The following ASTN2 variants were observed in gnomAD, a reference collection of about 807,000 sequenced individuals.
ASTN2 encodes astrotactin 2.
A neutral mutation model predicts 139.8 loss-of-function variants in ASTN2; 54 were observed. The ratio of observed to expected loss-of-function variants is 0.39; its 90% CI spans 0.31 to 0.48. ASTN2 has a LOEUF of 0.48. Ranked by LOEUF, ASTN2 falls within the 20% of genes least tolerant of loss-of-function variation. The pLI, the probability that ASTN2 is intolerant of heterozygous loss-of-function variation, is 0.95. For missense variants in ASTN2, 1,565 were observed against 1,725.1 expected, an observed-to-expected ratio of 0.91 and a Z score of 1.64; for synonymous variants, 756 against 719.5, an observed-to-expected ratio of 1.05 and a Z score of -0.81.
chr9:117,014,030 T>G (rs1588480949), intron 6 of ASTN2, among the ~76,000 whole-genome samples: 1 of 152,296 alleles, frequency 6.6e-6, no homozygotes, highest in Non-Finnish European at 1.5e-5. Flanking sequence ...TTCATTTTTA[T>G]TTTCCCTCTT....
At position 116,770,261 on chromosome 9, in the gene ASTN2, G is replaced by T. The variant is rs555163111; in HGVS notation, c.2396+35371C>A. ...CTAGGTGTGGATTATGCCAACTGCA[G>T]ATGGCTATTCCCAAGGTTGTAGGAA... On this transcript the variant is annotated intron_variant, in intron 13 of 22. Transcript: ENST00000313400. Among the ~76,000 whole-genome samples the T allele has an allele frequency of 1.8e-4, 27 of 152,218 alleles. 1 individual carries two copies. Among genetic ancestry groups the T allele is most frequent in the Non-Finnish European group, 3.5e-4 (24 of 68,022 alleles).
chr9:116,580,236 G>A (rs1853895321), intron 19 of ASTN2, among the ~76,000 whole-genome samples: 1 of 152,214 alleles, frequency 6.6e-6, no homozygotes. Flanking sequence ...TCAGAGCAAA[G>A]GTGAACATAT....
intron 6 of ASTN2, among the ~76,000 whole-genome samples, chr9:117,013,193 T>A (rs532010992): frequency 6.0e-4 from 92 of 152,304 alleles, no homozygotes; most frequent in African/African-American, 2.1e-3. Flanking sequence ...TTAAGGAATG[T>A]CTAGCAGAGC....
chr9:116,618,139 C>T (rs894641992), intron 19 of ASTN2, among the ~76,000 whole-genome samples, 185 bp downstream of exon 19: 4 of 152,188 alleles, frequency 2.6e-5, no homozygotes, highest in Admixed American at 2.0e-4. Flanking sequence ...CTGCAACTTG[C>T]TATCTTTCCT....
At chr9:117,238,211 T>C (rs931091792) in intron 2 of ASTN2, among the ~76,000 whole-genome samples, 2 of 152,134 alleles carry the variant, frequency 1.3e-5, no homozygotes. Context: ...GTGCACTGGC[T>C]CTCCTGGCTC....
At chr9:117,138,048 A>G (rs73657673) in intron 4 of ASTN2, among the ~76,000 whole-genome samples, 5,381 of 152,254 alleles carry the variant, frequency 0.035, 314 homozygotes, top group African/African-American at 0.12. Context: ...TTTTCCAGTG[A>G]TCTTTGATGT....
At chr9:116,434,873 G>C (rs991659043) in intron 22 of ASTN2, among the ~76,000 whole-genome samples, 1 of 152,212 alleles carries the variant, frequency 6.6e-6, no homozygotes, top group Non-Finnish European at 1.5e-5. Flanking sequence ...TTATTAGGCA[G>C]AGGTTAAGAG....
chr9:116,552,271 C>T (rs1381458149), intron 19 of ASTN2: 1 of 152,166 alleles, frequency 6.6e-6, no homozygotes, highest in Non-Finnish European at 1.5e-5. Flanking sequence ...AAGGGCATAT[C>T]ACTGGGAAAA....
Position 116,535,994 on chromosome 9 carries a change from A to T in ASTN2, c.3356-48494T>A, listed in dbSNP as rs57785315. Among the ~76,000 whole-genome samples, 516 of 152,204 alleles carry T rather than the reference A, an allele frequency of 3.4e-3. 3 individuals carry two copies. Among genetic ancestry groups the T allele is most frequent in the African/African-American group, 0.011 (437 of 41,546 alleles). On this transcript the variant is annotated intron_variant, in intron 19 of 22. Transcript: ENST00000313400. ...TCTCCCCGTCACTTTCAGGTACACC[A>T]ATCAGATGTAGGTTTGGTCTGTTCA... is the stretch of plus-strand genomic sequence containing the variant.
rs191548114 is a variant in ASTN2, at chr9:116,882,068, T to C, written c.1890-18335A>G. On this transcript the variant is annotated intron_variant, in intron 10 of 22. Coordinates refer to ENST00000313400, the MANE Select transcript of ASTN2 (RefSeq NM_001365068.1). ...AATAAAAGAATTATCCATCTATCCA[T>C]CCATCCATCCATCCACCCATCCATT... Among the ~76,000 whole-genome samples the C allele has an allele frequency of 1.3e-3, 191 of 152,292 alleles. 1 individual carries two copies. The highest frequency in any genetic ancestry group is 2.6e-3 in the Admixed American group (39 of 15,286).
At chr9:116,733,349 C>T (rs1828837927) in intron 14 of ASTN2, 50 bp downstream of exon 14, 2 of 1,543,644 alleles carry the variant, frequency 1.3e-6, no homozygotes, top group South Asian at 1.2e-5. Flanking sequence ...GGTGTGGAGA[C>T]TCGGTGTGTG....
At chr9:116,769,615 T>C (rs1829903334) in intron 13 of ASTN2, among the ~76,000 whole-genome samples, 1 of 152,158 alleles carries the variant, frequency 6.6e-6, no homozygotes, top group Non-Finnish European at 1.5e-5. Flanking sequence ...GGGGTAAGTA[T>C]TAGGCAGGAG....
intron 5 of ASTN2, among the ~76,000 whole-genome samples, chr9:117,040,771 C>T (rs1337171806): frequency 6.6e-6 from 1 of 152,178 alleles, no homozygotes; most frequent in East Asian, 1.9e-4. Context: ...TTATATATAA[C>T]ACGAAGATAA....
intron 5 of ASTN2, among the ~76,000 whole-genome samples, chr9:117,089,012 G>A (rs1384790716): frequency 2.0e-5 from 3 of 152,282 alleles, no homozygotes; most frequent in East Asian, 1.9e-4. Flanking sequence ...GATTAGCAAC[G>A]CTTCCCTGTG....
At chr9:116,840,764 C>T (rs11794331) in intron 11 of ASTN2, among the ~76,000 whole-genome samples, 27,788 of 145,856 alleles carry the variant, frequency 0.19, 3,007 homozygotes, top group East Asian at 0.48. Flanking sequence ...AGGTGCTCCC[C>T]ACATCTCAGA....
rs1255674887 is a variant in ASTN2 at position 116,618,348 on chromosome 9, A to T, written c.3331T>A (p.Tyr1111Asn). 1 of 1,614,106 alleles carries T rather than the reference A, an allele frequency of 6.2e-7. No individual in the cohort carries two copies. The highest frequency in any genetic ancestry group is 2.2e-5 in the East Asian group (1 of 44,882). Residue 1111 changes from tyrosine (Y) to asparagine (N), a missense_variant, in exon 19 of 23, where the codon TAC becomes AAC. Transcript: ENST00000313400. Reference protein sequence around the residue: ...YILQHKKVDEYTDTDLYTGEF... With the variant: ...YILQHKKVDENTDTDLYTGEF... ...CCTGTGTACAGGTCAGTGTCTGTGT[A>T]TTCATCCACTTTCTTATGCTGCAGA...
intron 22 of ASTN2, among the ~76,000 whole-genome samples, chr9:116,433,431 A>G (rs1356327782): frequency 2.6e-5 from 4 of 152,208 alleles, no homozygotes; most frequent in African/African-American, 9.6e-5. Context: ...ATCTCCATGC[A>G]TATCCATATC....
At chr9:117,410,399 C>T (rs1195034908) in intron 1 of ASTN2, among the ~76,000 whole-genome samples, 1 of 152,116 alleles carries the variant, frequency 6.6e-6, no homozygotes. Flanking sequence ...TCCCACCACC[C>T]TCATGTTACC....
intron 19 of ASTN2, among the ~76,000 whole-genome samples, chr9:116,556,563 C>T (rs560434966): frequency 3.3e-5 from 5 of 152,104 alleles, no homozygotes; most frequent in Non-Finnish European, 7.3e-5. Context: ...TTTCATACAT[C>T]GGAATTTTCT....
Sources: allele counts gnomAD v4.1 joint callset (sites outside exome capture counted in the v4.1 genomes callset), GRCh38; gene constraint gnomAD v4.1.1; transcripts MANE v1.5; gene names NCBI Gene and HGNC (gene_info 2026-07-23, HGNC 2026-07-21).